Variants in GLIS3 observed in about 807,000 individuals in gnomAD.
GLIS3 encodes zinc finger protein GLIS3.
Under a neutral mutation model 78.6 loss-of-function variants are expected in GLIS3, and 53 were observed. That is an observed-to-expected ratio of 0.67 (90% CI 0.54 to 0.85). The LOEUF is 0.85. Ranked by LOEUF, GLIS3 falls within the 40% of genes least tolerant of loss-of-function variation. GLIS3 has a pLI of 0.00. For synonymous variants in GLIS3, 684 were observed against 509.9 expected (o/e 1.34, Z -4.60); for missense variants, 1,703 against 1,231.1 (o/e 1.38, Z -5.74).
At chr9:4,100,439 A>G (rs1325848273) in intron 4 of GLIS3, among the ~76,000 whole-genome samples, 4 of 152,242 alleles carry the variant, frequency 2.6e-5, no homozygotes, top group African/African-American at 9.6e-5. Flanking sequence ...CAGGGAAAAC[A>G]AAGGGGAAAA....
the GLIS3 span, among the ~76,000 whole-genome samples, chr9:4,450,910 G>C: frequency 3.3e-5 from 5 of 152,292 alleles, no homozygotes; most frequent in South Asian, 1.0e-3. Context: ...AAATTGTAAA[G>C]ACCATCAATG....
At chr9:4,032,288 C>G (rs558304472) in intron 4 of GLIS3, among the ~76,000 whole-genome samples, 128 of 152,238 alleles carry the variant, frequency 8.4e-4, no homozygotes, top group African/African-American at 2.5e-3. Context: ...CATTCCTTCC[C>G]AAGTTTCTTA....
chr9:4,230,845 C>G (rs1822192844), intron 2 of GLIS3, among the ~76,000 whole-genome samples: 1 of 152,132 alleles, frequency 6.6e-6, no homozygotes, highest in Non-Finnish European at 1.5e-5. Flanking sequence ...GCCAAATCCC[C>G]CATCCAATTA....
intron 2 of GLIS3, among the ~76,000 whole-genome samples, chr9:4,231,676 T>A (rs1822266238): frequency 6.6e-6 from 1 of 152,194 alleles, no homozygotes; most frequent in Non-Finnish European, 1.5e-5. Flanking sequence ...GTAAAAATCT[T>A]CAAAGTTCTA....
the GLIS3 span, among the ~76,000 whole-genome samples, chr9:4,389,097 T>C: frequency 6.6e-6 from 1 of 152,232 alleles, no homozygotes; most frequent in African/African-American, 2.4e-5. Flanking sequence ...CAGCAGCTAC[T>C]GAGTACCTAC....
chr9:3,991,385 G>A (rs527880694), intron 4 of GLIS3, among the ~76,000 whole-genome samples: 1 of 151,962 alleles, frequency 6.6e-6, no homozygotes, highest in African/African-American at 2.4e-5. Context: ...AGTCTGAAGA[G>A]ACATTAAGTA....
chr9:4,008,829 C>T (rs1821771455), intron 4 of GLIS3, among the ~76,000 whole-genome samples: 1 of 152,154 alleles, frequency 6.6e-6, no homozygotes, highest in African/African-American at 2.4e-5. Flanking sequence ...CAACATCCAC[C>T]TTTTATAGGT....
At chr9:4,413,466 T>C in the GLIS3 span, among the ~76,000 whole-genome samples, 1 of 152,202 alleles carries the variant, frequency 6.6e-6, no homozygotes, top group South Asian at 2.1e-4. Flanking sequence ...CTGCACATTT[T>C]GAACTCTGGT....
chr9:4,198,048 C>G (rs1819029457), intron 2 of GLIS3, among the ~76,000 whole-genome samples: 2 of 152,200 alleles, frequency 1.3e-5, no homozygotes, highest in African/African-American at 4.8e-5. Flanking sequence ...AGTGCCAGCA[C>G]TTCCAGATGA....
chr9:4,231,593 A>C (rs1822259493), intron 2 of GLIS3, among the ~76,000 whole-genome samples: 1 of 152,232 alleles, frequency 6.6e-6, no homozygotes, highest in South Asian at 2.1e-4. Context: ...CATCAGAATA[A>C]AGCAAAACTC....
chr9:4,230,854 T>C (rs1822193619), intron 2 of GLIS3, among the ~76,000 whole-genome samples: 1 of 152,192 alleles, frequency 6.6e-6, no homozygotes. Flanking sequence ...CCCATCCAAT[T>C]ATAAATTCAG....
chr9:4,288,729 T>G (rs931537067), intron 1 of GLIS3, among the ~76,000 whole-genome samples: 1 of 100,148 alleles, frequency 1.0e-5, no homozygotes, highest in Non-Finnish European at 2.1e-5. Context: ...TAAATAGTTT[T>G]AGGTTGAAAG....
intron 9 of GLIS3, among the ~76,000 whole-genome samples, chr9:3,852,229 C>T (rs1374072075): frequency 6.6e-6 from 1 of 151,994 alleles, no homozygotes; most frequent in Non-Finnish European, 1.5e-5. Flanking sequence ...GTAGCAATGC[C>T]CAGACATTTT....
chr9:4,246,571 A>G (rs895728921), intron 2 of GLIS3, among the ~76,000 whole-genome samples: 4 of 152,202 alleles, frequency 2.6e-5, no homozygotes, highest in African/African-American at 9.7e-5. Context: ...TCGCTTGAGA[A>G]GCCATAGCCC....
chr9:4,292,276 A>G (rs1239923821), intron 1 of GLIS3, among the ~76,000 whole-genome samples: 1 of 152,204 alleles, frequency 6.6e-6, no homozygotes, highest in Non-Finnish European at 1.5e-5. Flanking sequence ...AATAGAAGCT[A>G]TTGGAGTGCA....
intron 4 of GLIS3, among the ~76,000 whole-genome samples, chr9:4,029,591 C>T (rs970518503): frequency 3.3e-5 from 5 of 152,058 alleles, no homozygotes; most frequent in Non-Finnish European, 5.9e-5. Flanking sequence ...GCCTGTCCCC[C>T]TCCCAAGCCC....
intron 4 of GLIS3, among the ~76,000 whole-genome samples, chr9:4,002,169 T>C (rs1413107767): frequency 6.6e-6 from 1 of 152,126 alleles, no homozygotes; most frequent in Non-Finnish European, 1.5e-5. Context: ...TAGTAGGAGA[T>C]GTGACAATGG....
chr9:4,128,335 G>C (rs1432188825), intron 2 of GLIS3, among the ~76,000 whole-genome samples: 1 of 152,138 alleles, frequency 6.6e-6, no homozygotes, highest in Non-Finnish European at 1.5e-5. Flanking sequence ...TAGTGCTTCA[G>C]GGAACTAAAC....
chr9:4,388,679 A>G, the GLIS3 span, among the ~76,000 whole-genome samples: 1 of 152,154 alleles, frequency 6.6e-6, no homozygotes, highest in Non-Finnish European at 1.5e-5. Flanking sequence ...CCATCTCAAA[A>G]ACAATAAAAA....
Sources: allele counts gnomAD v4.1 joint callset (sites outside exome capture counted in the v4.1 genomes callset), GRCh38; gene constraint gnomAD v4.1.1; transcripts MANE v1.5; gene names NCBI Gene and HGNC (gene_info 2026-07-23, HGNC 2026-07-21).